Variants in RAB27B observed in about 807,000 individuals in gnomAD.
RAB27B encodes RAB27B, member RAS oncogene family, also known as ras-related protein Rab-27B.
RAB27B carries 15 observed loss-of-function variants against 24.6 expected under a neutral mutation model. The observed-to-expected ratio is 0.61, with a 90% CI of 0.41 to 0.94. RAB27B has a LOEUF of 0.94. Among genes scored for constraint, RAB27B ranks in the 40% least tolerant of loss-of-function variants. The probability of loss-of-function intolerance (pLI) is 0.00; values close to 1 mark genes in which losing one functional copy is unlikely to be tolerated. For missense variants in RAB27B, 261 were observed against 266.8 expected, an observed-to-expected ratio of 0.98 and a Z score of 0.15; for synonymous variants, 105 against 92.5, an observed-to-expected ratio of 1.14 and a Z score of -0.78.
chr18:54,782,127 C>T (rs1232231287), intron 2 of RAB27B, among the ~76,000 whole-genome samples: 1 of 152,150 alleles, frequency 6.6e-6, no homozygotes, highest in African/African-American at 2.4e-5. Context: ...TTCCATTGTG[C>T]TCAGGGTAAA....
At chr18:54,745,769 A>C (rs1371121040) in intron 2 of RAB27B, among the ~76,000 whole-genome samples, 1 of 147,772 alleles carries the variant, frequency 6.8e-6, no homozygotes, top group East Asian at 1.9e-4. Context: ...TATAAATATA[A>C]GTATTTATAA....
intron 2 of RAB27B, among the ~76,000 whole-genome samples, chr18:54,813,761 T>TA (rs779785751): frequency 1.2e-4 from 18 of 152,120 alleles, no homozygotes; most frequent in Non-Finnish European, 2.1e-4. Context: ...TAGATATAAA[T>TA]ATGTCAATTC....
Position 54,891,883 on chromosome 18 carries a change from G to T in RAB27B, c.*2470G>T, listed in dbSNP as rs1041805816. 6.6e-6 allele frequency: 1 copy of T among 151,970 alleles called. No individual in the cohort carries two copies. The highest frequency in any genetic ancestry group is 1.5e-5 in the Non-Finnish European group (1 of 67,938). The allele number at this position is 151,970 out of a possible 1,614,324, so 9.4% of individuals were successfully genotyped here. ...AAGAGGAATGAGAAGTGACAAAATT[G>T]ATTTAAAATATTGTTCTACTTATAA... On this transcript the variant is annotated 3_prime_UTR_variant, in exon 6 of 6. Coordinates refer to ENST00000262094, the MANE Select transcript of RAB27B (RefSeq NM_004163.4).
At chr18:54,728,312 G>T (rs571543428) in intron 2 of RAB27B, among the ~76,000 whole-genome samples, 1 of 152,212 alleles carries the variant, frequency 6.6e-6, no homozygotes, top group African/African-American at 2.4e-5. Flanking sequence ...CCTCTCATGG[G>T]GGTGGCGTTG....
intron 1 of RAB27B, among the ~76,000 whole-genome samples, chr18:54,829,785 A>G (rs144407063): frequency 7.9e-5 from 12 of 152,312 alleles, no homozygotes; most frequent in African/African-American, 2.9e-4. Context: ...TATTGCAGTG[A>G]TGAAGAGAGA....
chr18:54,731,537 G>A (rs117335137), intron 2 of RAB27B, among the ~76,000 whole-genome samples: 17,258 of 151,922 alleles, frequency 0.11, 1,254 homozygotes, highest in Non-Finnish European at 0.16. Flanking sequence ...CCTGACCAAT[G>A]TGAAGAAACC....
chr18:54,792,286 A>ACCC (rs1390024226), intron 2 of RAB27B, among the ~76,000 whole-genome samples: 1 of 151,752 alleles, frequency 6.6e-6, no homozygotes, highest in Non-Finnish European at 1.5e-5. Flanking sequence ...AGCGAGCCAC[A>ACCC]CCCCCATCGC....
chr18:54,826,001 C>T (rs371768919), upstream of RAB27B, among the ~76,000 whole-genome samples: 5 of 152,190 alleles, frequency 3.3e-5, no homozygotes, highest in East Asian at 3.8e-4. Flanking sequence ...TCAGTTACCA[C>T]GCCTGCATCT....
chr18:54,725,931 T>C (rs1036171673), intron 2 of RAB27B, among the ~76,000 whole-genome samples: 1 of 151,524 alleles, frequency 6.6e-6, no homozygotes, highest in African/African-American at 2.4e-5. Flanking sequence ...TAACTTGTTA[T>C]GGAAATCATT....
intron 2 of RAB27B, among the ~76,000 whole-genome samples, chr18:54,821,215 A>G (rs1269511058): frequency 6.6e-6 from 1 of 152,206 alleles, no homozygotes; most frequent in Non-Finnish European, 1.5e-5. Flanking sequence ...AATGTGCAAA[A>G]ATAACAAGCA....
rs559070445 is a variant in RAB27B, at chr18:54,833,234, C to CTTTTTTTTT, written c.-20+4540_-20+4548dup. On this transcript the variant is annotated intron_variant, in intron 1 of 5. Coordinates refer to ENST00000262094, the MANE Select transcript of RAB27B (RefSeq NM_004163.4). ...CTTTCTTTTCTTTTTTTCTTTCTTT[C>CTTTTTTTTT]TTTTTTTTTTTTTTGAGATGGAGTT... 5.9e-4 allele frequency among the ~76,000 whole-genome samples: 77 copies of CTTTTTTTTT among 129,484 alleles called. 1 individual carries two copies. The highest frequency in any genetic ancestry group is 1.2e-3 in the South Asian group (5 of 4,044). The allele number at this position is 129,484 out of a possible 152,430, so 84.9% of individuals were successfully genotyped here.
chr18:54,853,581 A>G (rs771562200), intron 1 of RAB27B, among the ~76,000 whole-genome samples: 3 of 152,216 alleles, frequency 2.0e-5, no homozygotes, highest in Non-Finnish European at 4.4e-5. Context: ...GAAAGGAGAA[A>G]TGGAAACTAG....
intron 2 of RAB27B, among the ~76,000 whole-genome samples, chr18:54,740,388 A>G (rs1302334521): frequency 6.6e-6 from 1 of 152,222 alleles, no homozygotes; most frequent in East Asian, 1.9e-4. Context: ...TACGTTGAAT[A>G]AACATTTTAG....
intron 2 of RAB27B, among the ~76,000 whole-genome samples, chr18:54,878,777 C>T (rs746113075): frequency 8.6e-5 from 13 of 151,954 alleles, no homozygotes; most frequent in Non-Finnish European, 1.6e-4. Context: ...ATTAAACTTA[C>T]CTAAAAAGAG....
At chr18:54,853,389 G>A (rs1167488830) in intron 1 of RAB27B, among the ~76,000 whole-genome samples, 1 of 152,150 alleles carries the variant, frequency 6.6e-6, no homozygotes, top group Non-Finnish European at 1.5e-5. Flanking sequence ...ATTTCAGAGA[G>A]AACTTGATGC....
chr18:54,800,120 AATATT>A (rs1210966178), intron 2 of RAB27B, among the ~76,000 whole-genome samples: 1 of 152,228 alleles, frequency 6.6e-6, no homozygotes, highest in Admixed American at 6.5e-5. Flanking sequence ...AGTTTATAAA[AATATT>A]ATAATCTATC....
chr18:54,831,318 C>T (rs75287085), intron 1 of RAB27B, among the ~76,000 whole-genome samples: 2,947 of 151,854 alleles, frequency 0.019, 56 homozygotes, highest in South Asian at 0.087. Flanking sequence ...CTTTCAGGAA[C>T]AGCAAAGAAG....
chr18:54,815,549 C>T (rs554603120), intron 2 of RAB27B, among the ~76,000 whole-genome samples: 24 of 152,290 alleles, frequency 1.6e-4, no homozygotes, highest in Admixed American at 3.3e-4. Context: ...TCTATCAATT[C>T]CTTACTCTAA....
intron 2 of RAB27B, among the ~76,000 whole-genome samples, chr18:54,773,064 T>A (rs1398829934): frequency 3.9e-5 from 6 of 152,182 alleles, no homozygotes; most frequent in African/African-American, 9.7e-5. Context: ...TTTTTTTTTT[T>A]AAATCTTCAC....
Sources: allele counts gnomAD v4.1 joint callset (sites outside exome capture counted in the v4.1 genomes callset), GRCh38; gene constraint gnomAD v4.1.1; transcripts MANE v1.5; gene names NCBI Gene and HGNC (gene_info 2026-07-23, HGNC 2026-07-21).